Variants in RUNX2 observed in about 807,000 individuals in gnomAD.
RUNX2 encodes runt-related transcription factor 2.
Under a neutral mutation model 51.7 loss-of-function variants are expected in RUNX2, and 10 were observed. The observed-to-expected ratio is 0.19, with a 90% CI of 0.12 to 0.33. The LOEUF (loss-of-function observed/expected upper bound fraction) is 0.33, where lower values mean the gene tolerates loss of function less well. Among genes scored for constraint, RUNX2 ranks in the 10% least tolerant of loss-of-function variants. The pLI is 1.00. For missense variants in RUNX2, 562 were observed against 691.3 expected, an observed-to-expected ratio of 0.81 and a Z score of 2.10; for synonymous variants, 276 against 273.6, an observed-to-expected ratio of 1.01 and a Z score of -0.09.
At position 45,330,843 on chromosome 6, in the gene RUNX2, C is replaced by T. The variant is rs1584947339; in HGVS notation, c.58+2059C>T. ...TAGAGAACTTAACATCAACCCACTA[C>T]CTCAGACTAATTACAGGTGAGTAGT... On this transcript the variant is annotated intron_variant, in intron 2 of 8. Transcript: ENST00000647337. Among the ~76,000 whole-genome samples, 3 of 151,864 alleles carry T rather than the reference C, an allele frequency of 2.0e-5. No individual in the cohort carries two copies. The South Asian group carries it at 6.2e-4, about 31-fold the overall frequency.
intron 6 of RUNX2, among the ~76,000 whole-genome samples, chr6:45,495,016 G>C (rs1317714376): frequency 6.6e-6 from 1 of 152,182 alleles, no homozygotes; most frequent in Non-Finnish European, 1.5e-5. Context: ...CCCATCTACA[G>C]TAGTCTCTGT....
chr6:45,482,016 G>A (rs1163872109), intron 5 of RUNX2, among the ~76,000 whole-genome samples: 3 of 152,190 alleles, frequency 2.0e-5, no homozygotes, highest in Non-Finnish European at 4.4e-5. Context: ...TAGTAGGTCT[G>A]AAATGAGAAA....
intron 2 of RUNX2, among the ~76,000 whole-genome samples, chr6:45,332,750 A>T (rs1485966232): frequency 6.6e-6 from 1 of 151,790 alleles, no homozygotes; most frequent in Non-Finnish European, 1.5e-5. Context: ...CATCAACTCA[A>T]TGTGAAAAAA....
chr6:45,454,110 A>C (rs1444142185), intron 5 of RUNX2, among the ~76,000 whole-genome samples: 1 of 152,136 alleles, frequency 6.6e-6, no homozygotes, highest in East Asian at 1.9e-4. Context: ...TGGTGAATAG[A>C]GAAACTGATT....
chr6:45,387,223 G>A (rs550402028), intron 2 of RUNX2, among the ~76,000 whole-genome samples: 2 of 152,186 alleles, frequency 1.3e-5, no homozygotes, highest in South Asian at 4.1e-4. Flanking sequence ...ATACTAAAAT[G>A]GCAGTTTTGG....
At chr6:45,416,097 C>G (rs762436860) in intron 2 of RUNX2, among the ~76,000 whole-genome samples, 1 of 152,132 alleles carries the variant, frequency 6.6e-6, no homozygotes, top group Admixed American at 6.5e-5. Flanking sequence ...ACTGAGAGAA[C>G]GGTTTCTGAG....
intron 3 of RUNX2, among the ~76,000 whole-genome samples, chr6:45,423,662 C>T (rs901718728): frequency 6.6e-6 from 1 of 151,928 alleles, no homozygotes; most frequent in African/African-American, 2.4e-5. Context: ...CGGGAGGGTC[C>T]TGGACAAACC....
chr6:45,545,835 T>C (rs1434953026), intron 8 of RUNX2, among the ~76,000 whole-genome samples: 1 of 152,190 alleles, frequency 6.6e-6, no homozygotes, highest in African/African-American at 2.4e-5. Flanking sequence ...CATGAAATGG[T>C]TTATAACGGT....
rs1461130252 is a variant in RUNX2, at chr6:45,549,405, C to A, written c.*2100C>A. On this transcript the variant is annotated 3_prime_UTR_variant, in exon 9 of 9. Transcript: ENST00000647337. ...CTGCCTGGGAGTCTCCCTTGGAATTCATCCTGACTCCTTCTAATAAAAATG... is the reference window on the plus strand; with the variant it reads ...CTGCCTGGGAGTCTCCCTTGGAATTAATCCTGACTCCTTCTAATAAAAATG... 2.5e-6 allele frequency: 1 copy of A among 398,396 alleles called. No individual in the cohort carries two copies. Among genetic ancestry groups the A allele is most frequent in the African/African-American group, 2.1e-5 (1 of 48,616 alleles). The allele number at this position is 398,396 out of a possible 1,614,324, so 24.7% of individuals were successfully genotyped here. A position where few individuals can be genotyped will look rare whatever the true frequency, so the allele number is the denominator to read the frequency against.
At chr6:45,400,858 C>G (rs1438899421) in intron 2 of RUNX2, among the ~76,000 whole-genome samples, 1 of 152,136 alleles carries the variant, frequency 6.6e-6, no homozygotes, top group Admixed American at 6.5e-5. Flanking sequence ...TTTAAAATGC[C>G]TCCAGCCATA....
rs565784026 is a variant in RUNX2 at position 45,491,162 on chromosome 6, C to A, written c.686-779C>A. Among the ~76,000 whole-genome samples, 9 of 152,252 alleles carry A rather than the reference C, an allele frequency of 5.9e-5. No individual in the cohort carries two copies. The East Asian group carries it at 7.7e-4, about 13-fold the overall frequency. On this transcript the variant is annotated intron_variant, in intron 5 of 8. Coordinates refer to ENST00000647337, the MANE Select transcript of RUNX2 (RefSeq NM_001024630.4). ...AGAAGAGAGATAGAAAGGCTCCCCC[C>A]CTCCGCCAAATAATGGATTGTCACA... is the stretch of plus-strand genomic sequence containing the variant.
intron 2 of RUNX2, among the ~76,000 whole-genome samples, chr6:45,372,774 T>G (rs2150315794): frequency 6.6e-6 from 1 of 152,108 alleles, no homozygotes; most frequent in South Asian, 2.1e-4. Context: ...TCCTCCCACC[T>G]CAGCCTCCCA....
At chr6:45,423,032 G>A in intron 3 of RUNX2, 75 bp downstream of exon 3, 1 of 1,564,834 alleles carries the variant, frequency 6.4e-7, no homozygotes, top group Non-Finnish European at 8.6e-7. Context: ...CTGCCCACGG[G>A]GCTGGGCCCC....
chr6:45,340,265 C>A (rs1789477061), intron 2 of RUNX2, among the ~76,000 whole-genome samples: 1 of 151,946 alleles, frequency 6.6e-6, no homozygotes, highest in Non-Finnish European at 1.5e-5. Flanking sequence ...TCTGACAGAA[C>A]CAAAGAGATT....
intron 2 of RUNX2, among the ~76,000 whole-genome samples, chr6:45,410,782 C>A (rs62400352): frequency 6.6e-6 from 1 of 152,138 alleles, no homozygotes; most frequent in East Asian, 1.9e-4. Context: ...CTACATGTTG[C>A]CCCTTGTCTT....
At chr6:45,444,823 T>C (rs1489260049) in intron 5 of RUNX2, among the ~76,000 whole-genome samples, 1 of 152,200 alleles carries the variant, frequency 6.6e-6, no homozygotes, top group Non-Finnish European at 1.5e-5. Context: ...CTGTTCCACC[T>C]AGTTCTGGGA....
At chr6:45,453,340 G>T (rs940909301) in intron 5 of RUNX2, among the ~76,000 whole-genome samples, 2 of 152,142 alleles carry the variant, frequency 1.3e-5, no homozygotes, top group African/African-American at 2.4e-5. Context: ...CTATAGGAAA[G>T]GTCTCTTCAT....
At chr6:45,426,090 T>C (rs1798374342) in intron 3 of RUNX2, among the ~76,000 whole-genome samples, 1 of 152,228 alleles carries the variant, frequency 6.6e-6, no homozygotes, top group Admixed American at 6.5e-5. Context: ...TCATTAAGAA[T>C]GTATTAGCGT....
At chr6:45,356,599 C>T (rs558604778) in intron 2 of RUNX2, among the ~76,000 whole-genome samples, 2 of 152,130 alleles carry the variant, frequency 1.3e-5, no homozygotes, top group African/African-American at 4.8e-5. Context: ...CAGGGTTTCA[C>T]CATGGTGGCC....
Sources: gnomAD v4.1 joint callset for allele counts (sites outside exome capture counted in the v4.1 genomes callset) on GRCh38, gnomAD v4.1.1 for gene constraint, MANE v1.5 for transcripts, NCBI Gene and HGNC (gene_info 2026-07-23, HGNC 2026-07-21) for gene names.